Variants in ZNF534 observed in about 807,000 individuals in gnomAD.
The protein encoded by ZNF534 is KRAB domain only 3.
ZNF534 carries 19 observed loss-of-function variants against 13.6 expected under a neutral mutation model. That is an observed-to-expected ratio of 1.40 (90% CI 0.97 to 2.05). The LOEUF (loss-of-function observed/expected upper bound fraction) is 2.05, where lower values mean the gene tolerates loss of function less well. Among genes scored for constraint, ZNF534 ranks in the 30% most tolerant of loss-of-function variants. The probability of loss-of-function intolerance (pLI) is 0.00; values close to 1 mark genes in which losing one functional copy is unlikely to be tolerated. For synonymous variants in ZNF534, 244 were observed against 273.8 expected (o/e 0.89, Z 1.07); for missense variants, 782 against 796.3 (o/e 0.98, Z 0.22).
downstream of ZNF534, among the ~76,000 whole-genome samples, chr19:52,444,684 G>A (rs150471783): frequency 2.5e-4 from 38 of 152,130 alleles, no homozygotes; most frequent in Middle Eastern, 6.8e-3. Context: ...CTGCTGCTGT[G>A]GGGGATGGGG....
Position 52,432,823 on chromosome 19 carries a change from G to A in ZNF534, c.16-1132G>A, listed in dbSNP as rs942823300. Among the ~76,000 whole-genome samples the A allele has an allele frequency of 2.0e-5, 3 of 151,882 alleles. No individual in the cohort carries two copies. The South Asian group carries it at 6.2e-4, about 31-fold the overall frequency. Reference sequence around the variant, plus strand: ...CATTTTTTGTATTTAGTAGAGATGGGGTTTCACCATGTTAGCCAGTCTGGT... The same window carrying A: ...CATTTTTTGTATTTAGTAGAGATGGAGTTTCACCATGTTAGCCAGTCTGGT... On this transcript the variant is annotated intron_variant, in intron 2 of 4. Coordinates refer to ENST00000433050, the MANE Select transcript of ZNF534 (RefSeq NM_001143938.3).
rs1322248847 is a variant in ZNF534 at position 52,451,205 on chromosome 19, G to A, written c.290G>A (p.Trp97Ter). ...CCCATAGATTTTTCACTTCTGGCCT[G>A]GGACGCGCGCGTCTTCAGGGTGGAA... is the stretch of plus-strand genomic sequence containing the variant. Residue 97 changes from tryptophan (W) to a stop codon, truncating the protein, a stop_gained, in exon 5 of 5, where the codon TGG becomes TAG. Transcript: ENST00000301085. LOFTEE classifies it low-confidence loss of function (END_TRUNC). 1 of 702,924 alleles carries A rather than the reference G, an allele frequency of 1.4e-6. No individual in the cohort carries two copies. Among genetic ancestry groups the A allele is most frequent in the Non-Finnish European group, 2.6e-6 (1 of 380,366 alleles). 43.5% of individuals were successfully genotyped at this position (702,924 alleles called of 1,614,324 possible).
At chr19:52,450,461 C>A (rs751570809) in intron 4 of ZNF534, among the ~76,000 whole-genome samples, 2 of 152,064 alleles carry the variant, frequency 1.3e-5, no homozygotes, top group Non-Finnish European at 2.9e-5. Context: ...CAAAAATCAG[C>A]TGGCTGCAAA....
chr19:52,437,324 G>T (rs1016127145), intron 4 of ZNF534, among the ~76,000 whole-genome samples: 1 of 152,028 alleles, frequency 6.6e-6, no homozygotes, highest in Non-Finnish European at 1.5e-5. Flanking sequence ...GTTATACAAA[G>T]TATGCTGATA....
chr19:52,440,088 G>A lies in ZNF534; in HGVS notation c.*642G>A, dbSNP rs2434461. On this transcript the variant is annotated 3_prime_UTR_variant, in exon 5 of 5. Transcript: ENST00000433050. ...TTTCTTTAAAAACAAAACAAAAAAA[G>A]TTATGAAGCCTCACAAAAGTAATAA... 0.91 allele frequency among the ~76,000 whole-genome samples: 138,298 copies of A among 152,118 alleles called. 63,270 individuals carry two copies. The highest frequency in any genetic ancestry group is 0.96 in the Non-Finnish European group (65,573 of 68,022).
chr19:52,432,960 A>G (rs1313179013), intron 2 of ZNF534, among the ~76,000 whole-genome samples: 1 of 151,992 alleles, frequency 6.6e-6, no homozygotes, highest in Non-Finnish European at 1.5e-5. Context: ...AAACCACTAT[A>G]GGTCGGATGT....
rs763674295 is a variant in ZNF534 at position 52,439,078 on chromosome 19, C to T, written c.1618C>T (p.His540Tyr). ...CCGTCGGAATTCACACCTTGTGCGACATAGGAATGTTCATACTGGAGAAAA... is the reference window on the plus strand; with the variant it reads ...CCGTCGGAATTCACACCTTGTGCGATATAGGAATGTTCATACTGGAGAAAA... ...VFRRNSHLVR[H>Y]RNVHTGEKPY... Residue 540 changes from histidine to tyrosine, a missense_variant, in exon 5 of 5, where the codon CAT (histidine) becomes TAT (tyrosine). His to Tyr is a moderately conservative substitution (Grantham distance 83). Transcript: ENST00000433050. The T allele has an allele frequency of 4.4e-6, 7 of 1,593,188 alleles. No individual in the cohort carries two copies. The East Asian group carries it at 6.9e-5, about 16-fold the overall frequency.
At chr19:52,434,403 T>C (rs1420722807) in intron 3 of ZNF534, among the ~76,000 whole-genome samples, 7 of 140,552 alleles carry the variant, frequency 5.0e-5, no homozygotes, top group Non-Finnish European at 9.0e-5. Context: ...AGGCGGAGCT[T>C]GCAGTGAGCC....
chr19:52,435,825 T>C (rs1280682230), intron 4 of ZNF534, among the ~76,000 whole-genome samples: 1 of 152,094 alleles, frequency 6.6e-6, no homozygotes, highest in Non-Finnish European at 1.5e-5. Context: ...ATTTTTGAGT[T>C]CTAATTAACT....
chr19:52,445,350 C>A (rs1257764364), downstream of ZNF534, among the ~76,000 whole-genome samples: 2 of 152,122 alleles, frequency 1.3e-5, no homozygotes, highest in African/African-American at 4.8e-5. Flanking sequence ...GCACATGCCA[C>A]CATGCCTGGC....
intron 1 of ZNF534, among the ~76,000 whole-genome samples, chr19:52,431,104 G>A (rs1022760693): frequency 5.9e-5 from 9 of 152,090 alleles, no homozygotes; most frequent in Non-Finnish European, 8.8e-5. Flanking sequence ...GCCCACCTCG[G>A]CCTCCCAAAG....
chr19:52,433,921 A>C, intron 2 of ZNF534, 34 bp from the exon 3 acceptor site: 1 of 1,613,094 alleles, frequency 6.2e-7, no homozygotes, highest in Non-Finnish European at 8.5e-7. Flanking sequence ...TACTCTCTCC[A>C]TACCCTGTTT....
At chr19:52,450,673 T>TTTTTTTTG (rs2059210325) in intron 4 of ZNF534, among the ~76,000 whole-genome samples, 1 of 25,998 alleles carries the variant, frequency 3.8e-5, no homozygotes, top group Non-Finnish European at 1.1e-4. Flanking sequence ...TTTAGGAGTT[T>TTTTTTTTG]TTTTTTTTTT....
At chr19:52,450,653 C>G (rs12982843) in intron 4 of ZNF534, among the ~76,000 whole-genome samples, 49,750 of 135,460 alleles carry the variant, frequency 0.37, 10,557 homozygotes, top group Non-Finnish European at 0.49. Flanking sequence ...TTCCGTAGTT[C>G]CCTATGAATT....
chr19:52,448,835 T>A (rs1379513935), intron 4 of ZNF534, among the ~76,000 whole-genome samples: 1 of 152,220 alleles, frequency 6.6e-6, no homozygotes, highest in African/African-American at 2.4e-5. Context: ...TAAATATCCA[T>A]CACCTCAAAC....
rs2059165471 is a variant in ZNF534 at position 52,440,590 on chromosome 19, G to GA, written c.*1145dup. The stretch of plus-strand genomic sequence containing the variant: ...GAGGTCAGGAGTTTGAGACCAGCCT[G>GA]ACCAATGTGTTGAAACCCCATCACT... On this transcript the variant is annotated 3_prime_UTR_variant, in exon 5 of 5. Coordinates refer to ENST00000433050, the MANE Select transcript of ZNF534 (RefSeq NM_001143938.3). Among the ~76,000 whole-genome samples, 2 of 152,082 alleles carry GA rather than the reference G, an allele frequency of 1.3e-5. No individual in the cohort carries two copies. The highest frequency in any genetic ancestry group is 6.6e-5 in the Admixed American group (1 of 15,262).
intron 1 of ZNF534, among the ~76,000 whole-genome samples, chr19:52,429,662 C>T (rs2059073893): frequency 6.8e-6 from 1 of 147,566 alleles, no homozygotes; most frequent in African/African-American, 2.5e-5. Flanking sequence ...ATGGCGTGAT[C>T]TCGGCTCACT....
In ZNF534 at chr19:52,439,950, C is replaced by T. The variant is rs1333582155; in HGVS notation, c.*504C>T. 4.6e-5 allele frequency among the ~76,000 whole-genome samples: 7 copies of T among 152,040 alleles called. No homozygotes were observed. Among genetic ancestry groups the T allele is most frequent in the Non-Finnish European group, 8.8e-5 (6 of 68,012 alleles). On this transcript the variant is annotated 3_prime_UTR_variant, in exon 5 of 5. Transcript: ENST00000433050. ...GACTGAGGTGGCAGGCACTTGTGAT[C>T]CCAGCTACTCAGGAGGCTGAGGCAG...
In ZNF534 at chr19:52,438,000, C is replaced by T. The variant is rs2059139770; in HGVS notation, c.540C>T (p.His180=). 2 of 1,614,084 alleles carry T rather than the reference C, an allele frequency of 1.2e-6. No homozygotes were observed. Among genetic ancestry groups the T allele is most frequent in the Non-Finnish European group, 1.7e-6 (2 of 1,180,012 alleles). The part of the protein sequence containing the change: ...STLLPQEQKV[H]IREKPYGCNE... ...TACTCCCACAAGAACAGAAAGTACA[C>T]ATTAGGGAAAAGCCTTATGGATGTA... Residue 180 remains histidine, a synonymous_variant, in exon 5 of 5, where the codon CAC becomes CAT. Coordinates refer to ENST00000433050, the MANE Select transcript of ZNF534 (RefSeq NM_001143938.3).
Sources: allele counts gnomAD v4.1 joint callset (sites outside exome capture counted in the v4.1 genomes callset), GRCh38; gene constraint gnomAD v4.1.1; transcripts MANE v1.5; gene names NCBI Gene and HGNC (gene_info 2026-07-23, HGNC 2026-07-21).